Variants in COLEC12 observed in about 807,000 individuals in gnomAD.
COLEC12 encodes the protein collectin-12.
Under a neutral mutation model 71.1 loss-of-function variants are expected in COLEC12, and 33 were observed. The observed-to-expected ratio is 0.46, with a 90% CI of 0.35 to 0.62. The LOEUF is 0.62. COLEC12 is among the 20% of genes least tolerant of loss of function. The pLI, the probability that COLEC12 is intolerant of heterozygous loss-of-function variation, is 0.00. For synonymous variants in COLEC12, 350 were observed against 353.0 expected (o/e 0.99, Z 0.10); for missense variants, 765 against 916.1 (o/e 0.84, Z 2.13).
intron 2 of COLEC12, among the ~76,000 whole-genome samples, chr18:405,923 C>T (rs547557746): frequency 2.0e-4 from 31 of 152,122 alleles, no homozygotes; most frequent in Admixed American, 1.0e-3. Context: ...GGGCTGCATT[C>T]CTGACGGTTA....
At chr18:423,501 G>A (rs1191823824) in intron 2 of COLEC12, among the ~76,000 whole-genome samples, 1 of 151,912 alleles carries the variant, frequency 6.6e-6, no homozygotes, top group Admixed American at 6.6e-5. Context: ...TCTTCACAGT[G>A]CATAAACTAT....
intron 2 of COLEC12, among the ~76,000 whole-genome samples, chr18:389,310 G>C (rs1018847098): frequency 2.1e-5 from 3 of 146,238 alleles, no homozygotes; most frequent in African/African-American, 7.6e-5. Flanking sequence ...CTGGAGCATA[G>C]TGGCACGATC....
intron 2 of COLEC12, among the ~76,000 whole-genome samples, chr18:450,632 T>C (rs573107486): frequency 6.6e-6 from 1 of 152,360 alleles, no homozygotes; most frequent in East Asian, 1.9e-4. Context: ...TATTTCTTTA[T>C]AGTAGTGCAA....
chr18:396,964 T>TC (rs1915584823), intron 2 of COLEC12, among the ~76,000 whole-genome samples: 1 of 152,026 alleles, frequency 6.6e-6, no homozygotes. Flanking sequence ...ACCACCCAGG[T>TC]CCCACGAATG....
intron 2 of COLEC12, among the ~76,000 whole-genome samples, chr18:363,248 C>T (rs1914786374): frequency 6.6e-6 from 1 of 152,100 alleles, no homozygotes; most frequent in African/African-American, 2.4e-5. Flanking sequence ...AAAAGAGTCT[C>T]CTTCACTCTC....
At chr18:391,390 A>G (rs1915461100) in intron 2 of COLEC12, among the ~76,000 whole-genome samples, 2 of 152,202 alleles carry the variant, frequency 1.3e-5, no homozygotes, top group Non-Finnish European at 2.9e-5. Flanking sequence ...ACCTTTGGCA[A>G]ATAATTGCAT....
chr18:389,424 G>A (rs1053317678), intron 2 of COLEC12, among the ~76,000 whole-genome samples: 6 of 151,520 alleles, frequency 4.0e-5, no homozygotes, highest in South Asian at 2.1e-4. Flanking sequence ...GACTACAGGC[G>A]CCCGCCACCA....
At chr18:329,763 G>A (rs541267052) in intron 8 of COLEC12, among the ~76,000 whole-genome samples, 5 of 152,230 alleles carry the variant, frequency 3.3e-5, no homozygotes, top group African/African-American at 1.2e-4. Flanking sequence ...TCAATATTTC[G>A]CCACATGTTT....
chr18:357,431 T>G lies in COLEC12; in HGVS notation c.150A>C (p.Leu50=). Residue 50 remains leucine, a synonymous_variant, in exon 3 of 10, where the codon CTA becomes CTC. Transcript: ENST00000400256. ...ATCCCAAAATGGCTACTGTGATTGT[T>G]AGCAAGGCACACAAAATGTATAATA... The part of the protein sequence containing the change: ...IILLYILCAL[L]TITVAILGYK... 6.2e-7 allele frequency: 1 copy of G among 1,603,378 alleles called. No individual in the cohort carries two copies.
intron 3 of COLEC12, 89 bp from the exon 4 acceptor site, chr18:348,252 C>A (rs1443833915): frequency 8.8e-6 from 7 of 798,332 alleles, no homozygotes; most frequent in South Asian, 1.7e-5. Context: ...CATTATGGAA[C>A]AAAGGAAACA....
At chr18:410,947 C>T (rs1305178370) in intron 2 of COLEC12, among the ~76,000 whole-genome samples, 1 of 152,186 alleles carries the variant, frequency 6.6e-6, no homozygotes, top group Non-Finnish European at 1.5e-5. Context: ...CCAGACTCTC[C>T]TCACCTGTTG....
intron 2 of COLEC12, among the ~76,000 whole-genome samples, chr18:357,872 T>C (rs1232181012): frequency 6.6e-6 from 1 of 152,202 alleles, no homozygotes; most frequent in African/African-American, 2.4e-5. Context: ...TCCCGGGCCA[T>C]GGACTGGTAC....
At chr18:360,632 C>G (rs193242597) in intron 2 of COLEC12, among the ~76,000 whole-genome samples, 1 of 152,090 alleles carries the variant, frequency 6.6e-6, no homozygotes, top group Non-Finnish European at 1.5e-5. Context: ...ATGCAGGTTC[C>G]GATTCAGTGG....
At chr18:477,968 G>T (rs890909959) in intron 2 of COLEC12, among the ~76,000 whole-genome samples, 1 of 152,132 alleles carries the variant, frequency 6.6e-6, no homozygotes, top group Non-Finnish European at 1.5e-5. Flanking sequence ...TGAAGAAATG[G>T]GTTCTTGGGT....
At chr18:417,323 A>G (rs1916006731) in intron 2 of COLEC12, among the ~76,000 whole-genome samples, 6 of 152,256 alleles carry the variant, frequency 3.9e-5, no homozygotes, top group Admixed American at 3.3e-4. Flanking sequence ...AATATGATAT[A>G]AAAGATAAAC....
At chr18:376,730 T>G (rs911056817) in intron 2 of COLEC12, among the ~76,000 whole-genome samples, 4 of 152,188 alleles carry the variant, frequency 2.6e-5, no homozygotes, top group Non-Finnish European at 5.9e-5. Flanking sequence ...TACATTTCTT[T>G]TATTAGCTGC....
At chr18:382,610 AT>A (rs1304679878) in intron 2 of COLEC12, among the ~76,000 whole-genome samples, 1 of 152,150 alleles carries the variant, frequency 6.6e-6, no homozygotes, top group Non-Finnish European at 1.5e-5. Flanking sequence ...ATTAGCACTA[AT>A]CCCCCCGAGC....
intron 2 of COLEC12, among the ~76,000 whole-genome samples, chr18:402,124 C>A (rs2143616658): frequency 6.6e-6 from 1 of 152,200 alleles, no homozygotes; most frequent in East Asian, 1.9e-4. Context: ...AGCAAAGCAG[C>A]CAAAGCAGAG....
intron 2 of COLEC12, among the ~76,000 whole-genome samples, chr18:430,410 T>A (rs374125140): frequency 6.6e-6 from 1 of 152,188 alleles, no homozygotes; most frequent in East Asian, 1.9e-4. Flanking sequence ...TAACTTTGCA[T>A]ATTAATTACC....
Sources: allele counts gnomAD v4.1 joint callset (sites outside exome capture counted in the v4.1 genomes callset), GRCh38; gene constraint gnomAD v4.1.1; transcripts MANE v1.5; gene names NCBI Gene and HGNC (gene_info 2026-07-23, HGNC 2026-07-21).